The following NRG3 variants were observed in gnomAD, a reference collection of about 807,000 sequenced individuals.
NRG3 encodes pro-neuregulin-3, membrane-bound isoform.
Under a neutral mutation model 66.9 loss-of-function variants are expected in NRG3, and 31 were observed. The ratio of observed to expected loss-of-function variants is 0.46; its 90% CI spans 0.35 to 0.63. NRG3 has a LOEUF of 0.63. Among genes scored for constraint, NRG3 ranks in the 20% least tolerant of loss-of-function variants. The probability of loss-of-function intolerance (pLI) is 0.00; values close to 1 mark genes in which losing one functional copy is unlikely to be tolerated. For missense variants in NRG3, 910 were observed against 878.9 expected, an observed-to-expected ratio of 1.04 and a Z score of -0.45; for synonymous variants, 393 against 359.4, an observed-to-expected ratio of 1.09 and a Z score of -1.06.
At chr10:82,640,500 T>C (rs1390351447) in intron 2 of NRG3, among the ~76,000 whole-genome samples, 1 of 152,190 alleles carries the variant, frequency 6.6e-6, no homozygotes, top group Non-Finnish European at 1.5e-5. Flanking sequence ...CATCAGGTAG[T>C]ACCTGTTTTC....
intron 1 of NRG3, among the ~76,000 whole-genome samples, chr10:82,030,562 C>A (rs749578628): frequency 6.6e-6 from 1 of 151,926 alleles, no homozygotes; most frequent in African/African-American, 2.4e-5. Context: ...AGGGAGAAAA[C>A]GTGATTCATA....
At chr10:82,529,044 T>C (rs1847001680) in intron 2 of NRG3, among the ~76,000 whole-genome samples, 1 of 152,216 alleles carries the variant, frequency 6.6e-6, no homozygotes, top group Non-Finnish European at 1.5e-5. Context: ...CTTTGACTTT[T>C]AGCTTCCAAT....
At chr10:82,395,846 G>A (rs1390032454) in intron 2 of NRG3, among the ~76,000 whole-genome samples, 1 of 152,116 alleles carries the variant, frequency 6.6e-6, no homozygotes, top group Non-Finnish European at 1.5e-5. Flanking sequence ...AATTATTATT[G>A]CCCCATGACC....
chr10:82,532,702 C>T (rs1847412341), intron 2 of NRG3, among the ~76,000 whole-genome samples: 1 of 150,912 alleles, frequency 6.6e-6, no homozygotes, highest in Non-Finnish European at 1.5e-5. Flanking sequence ...ATTTCCCCCT[C>T]TTGACTATTG....
intron 4 of NRG3, among the ~76,000 whole-genome samples, chr10:82,931,516 A>G (rs949305408): frequency 6.6e-6 from 1 of 152,166 alleles, no homozygotes; most frequent in African/African-American, 2.4e-5. Context: ...TACCTGCCAC[A>G]GAATTATTAA....
intron 2 of NRG3, among the ~76,000 whole-genome samples, chr10:82,554,238 A>T (rs1405828913): frequency 6.6e-6 from 1 of 152,138 alleles, no homozygotes. Flanking sequence ...ACTATCACGG[A>T]CAGTATTGTA....
chr10:82,813,231 T>TTTTTA (rs2061567561), intron 3 of NRG3, among the ~76,000 whole-genome samples: 3 of 148,116 alleles, frequency 2.0e-5, no homozygotes, highest in South Asian at 2.1e-4. Context: ...TTTTTTTTTT[T>TTTTTA]GAGACAGGGT....
chr10:82,922,495 T>C (rs1245542655), intron 4 of NRG3, among the ~76,000 whole-genome samples: 3 of 152,194 alleles, frequency 2.0e-5, no homozygotes, highest in Admixed American at 6.6e-5. Flanking sequence ...TTGTTTCACC[T>C]GTGAATGAGT....
chr10:82,050,910 T>C, intron 1 of NRG3, among the ~76,000 whole-genome samples: 1 of 149,954 alleles, frequency 6.7e-6, no homozygotes, highest in South Asian at 2.1e-4. Flanking sequence ...TATCCAGCAT[T>C]TCTATCCTGC....
At chr10:82,786,778 G>A (rs1357689215) in intron 3 of NRG3, among the ~76,000 whole-genome samples, 3 of 152,208 alleles carry the variant, frequency 2.0e-5, no homozygotes, top group Admixed American at 6.5e-5. Context: ...TTTAAAAAGT[G>A]ATTATGTCAT....
At chr10:82,090,997 T>C (rs1429858243) in intron 1 of NRG3, among the ~76,000 whole-genome samples, 1 of 152,068 alleles carries the variant, frequency 6.6e-6, no homozygotes, top group Admixed American at 6.6e-5. Flanking sequence ...ACAAAAACGT[T>C]TTAGAGTCAG....
chr10:82,359,228 C>A (rs768561952), intron 2 of NRG3, among the ~76,000 whole-genome samples: 6 of 152,174 alleles, frequency 3.9e-5, no homozygotes, highest in Non-Finnish European at 5.9e-5. Flanking sequence ...TCTTGAGAAC[C>A]TACAGACTGT....
chr10:82,903,823 C>A (rs1014204688), intron 4 of NRG3, among the ~76,000 whole-genome samples: 1 of 152,030 alleles, frequency 6.6e-6, no homozygotes, highest in Admixed American at 6.6e-5. Context: ...CCTGAATTTT[C>A]AACTGTACAG....
At chr10:82,944,742 A>G (rs1848857350) in intron 4 of NRG3, among the ~76,000 whole-genome samples, 3 of 152,228 alleles carry the variant, frequency 2.0e-5, no homozygotes, top group Non-Finnish European at 1.5e-5. Flanking sequence ...AAATAAATGC[A>G]TTAAAAACAA....
chr10:82,859,966 G>A (rs1372435453), intron 3 of NRG3, among the ~76,000 whole-genome samples: 1 of 152,082 alleles, frequency 6.6e-6, no homozygotes, highest in Non-Finnish European at 1.5e-5. Context: ...CAGGTACCTA[G>A]TCCTAAAATC....
intron 2 of NRG3, among the ~76,000 whole-genome samples, chr10:82,438,647 C>T (rs1408088676): frequency 2.6e-5 from 4 of 152,210 alleles, no homozygotes; most frequent in African/African-American, 9.6e-5. Context: ...GGTTGGGATG[C>T]TAGGCCCTTG....
At chr10:82,725,456 G>A (rs1176464574) in intron 2 of NRG3, among the ~76,000 whole-genome samples, 1 of 152,172 alleles carries the variant, frequency 6.6e-6, no homozygotes, top group African/African-American at 2.4e-5. Context: ...GTGGTGTATA[G>A]AGGAAGTATA....
intron 3 of NRG3, among the ~76,000 whole-genome samples, chr10:82,830,764 A>G (rs2062477259): frequency 6.6e-6 from 1 of 152,186 alleles, no homozygotes; most frequent in South Asian, 2.1e-4. Context: ...CTTGCTAAAA[A>G]GAGATAAAGG....
At chr10:81,948,993 C>G (rs1430305569) in intron 1 of NRG3, among the ~76,000 whole-genome samples, 1 of 152,086 alleles carries the variant, frequency 6.6e-6, no homozygotes, top group African/African-American at 2.4e-5. Flanking sequence ...TGTCCTCTCC[C>G]CAGGGAGTAT....
Sources: allele counts gnomAD v4.1 joint callset (sites outside exome capture counted in the v4.1 genomes callset), GRCh38; gene constraint gnomAD v4.1.1; transcripts MANE v1.5; gene names NCBI Gene and HGNC (gene_info 2026-07-23, HGNC 2026-07-21).